Variants in PRMT8 observed in about 807,000 individuals in gnomAD.
PRMT8 encodes protein arginine N-methyltransferase 8.
PRMT8 carries 7 observed loss-of-function variants against 47.1 expected under a neutral mutation model. The ratio of observed to expected loss-of-function variants is 0.15; its 90% confidence interval spans 0.08 to 0.28. The LOEUF (loss-of-function observed/expected upper bound fraction) is 0.28. Among genes scored for constraint, PRMT8 ranks in the 10% least tolerant of loss-of-function variants. The pLI is 1.00. For synonymous variants in PRMT8, 188 were observed against 186.5 expected, an observed-to-expected ratio of 1.01 and a Z score of -0.07; for missense variants, 237 against 505.4, an observed-to-expected ratio of 0.47 and a Z score of 5.09.
rs1294452856 is a variant in PRMT8, at chr12:3,453,559, G to A, written c.48+72117G>A. Among the ~76,000 whole-genome samples, 2 of 152,196 alleles carry A rather than the reference G, an allele frequency of 1.3e-5. No individual in the cohort carries two copies. The highest frequency in any genetic ancestry group is 1.5e-5 in the Non-Finnish European group (1 of 68,030). ...CTGGGGAAGCCAGACGCTGCATTCC[G>A]CATGCCATCGTGACCTTGAAGTAGG... On this transcript the variant is annotated intron_variant, in intron 1 of 9. Coordinates refer to the PRMT8 transcript ENST00000452611. The surrounding 1 kb of genome is among the most constrained non-coding windows in gnomAD (Gnocchi z 4.9).
At chr12:3,523,823 T>C (rs1172037539) in intron 1 of PRMT8, among the ~76,000 whole-genome samples, 1 of 152,252 alleles carries the variant, frequency 6.6e-6, no homozygotes, top group African/African-American at 2.4e-5. Flanking sequence ...GGTCAAGTTC[T>C]AGAGCAATCC....
intron 1 of PRMT8, among the ~76,000 whole-genome samples, chr12:3,465,281 A>AT (rs907303710): frequency 1.8e-5 from 2 of 112,516 alleles, no homozygotes; most frequent in Admixed American, 1.1e-4. Context: ...AAAAATAAAA[A>AT]ATATATAATA....
chr12:3,410,724 G>T (rs189999849), intron 1 of PRMT8, among the ~76,000 whole-genome samples: 3 of 152,098 alleles, frequency 2.0e-5, no homozygotes, highest in Non-Finnish European at 4.4e-5. Flanking sequence ...GGCCAGGCTG[G>T]TCTCGAACTC....
At chr12:3,520,611 T>C (rs1407549797) in intron 1 of PRMT8, among the ~76,000 whole-genome samples, 1 of 152,216 alleles carries the variant, frequency 6.6e-6, no homozygotes, top group Non-Finnish European at 1.5e-5. Flanking sequence ...TAAGGCTGTT[T>C]GTAAGTGGGT....
In PRMT8 at chr12:3,386,713, T is replaced by C. The variant is rs1356032319; in HGVS notation, c.48+5271T>C. On this transcript the variant is annotated intron_variant, in intron 1 of 9. Coordinates refer to the PRMT8 transcript ENST00000452611. ...TATGCTTGTCTACCTTCTTTTTTTT[T>C]TCTTTCTTTCTTTTTTTATGGAGTC... is the stretch of plus-strand genomic sequence containing the variant. Among the ~76,000 whole-genome samples, 9 of 152,080 alleles carry C rather than the reference T, an allele frequency of 5.9e-5. No homozygotes were observed. In the East Asian group the frequency reaches 1.2e-3, roughly 20 times the overall value.
In PRMT8 at chr12:3,557,656, G is replaced by A. The variant is rs1021135168; in HGVS notation, c.481+3942G>A. On this transcript the variant is annotated intron_variant, in intron 4 of 9. Transcript: ENST00000382622. This position sits in a 1 kb window ranked among gnomAD's most constrained non-coding sequence, Gnocchi z 4.7. ...TTCTCTGGGAGGGTGACACAGCCTG[G>A]CCTCCTTCTCCCCAACCTGTGAAAT... 5.3e-5 allele frequency among the ~76,000 whole-genome samples: 8 copies of A among 152,268 alleles called. No individual in the cohort carries two copies. Among genetic ancestry groups the A allele is most frequent in the African/African-American group, 1.7e-4 (7 of 41,558 alleles).
In PRMT8 at chr12:3,552,862, G is replaced by A; in HGVS notation, c.418-789G>A. 2.3e-6 allele frequency: 1 copy of A among 441,844 alleles called. No homozygotes were observed. The highest frequency in any genetic ancestry group is 1.6e-5 in the South Asian group (1 of 62,926). 27.4% of individuals were successfully genotyped at this position (441,844 alleles called of 1,614,324 possible). A position where few individuals can be genotyped will look rare whatever the true frequency, so the allele number is the denominator to read the frequency against. ...GAGTAGAGCCCAGGGCCTTAGCACA[G>A]GCCAGCCTCTGTAAGAGAGCCGGCT... is the stretch of plus-strand genomic sequence containing the variant. On this transcript the variant is annotated intron_variant, in intron 3 of 9. Transcript: ENST00000382622. This position sits in a 1 kb window ranked among gnomAD's most constrained non-coding sequence, Gnocchi z 4.5.
intron 1 of PRMT8, among the ~76,000 whole-genome samples, chr12:3,454,124 C>G (rs1298521586): frequency 6.6e-6 from 1 of 152,202 alleles, no homozygotes; most frequent in African/African-American, 2.4e-5. Flanking sequence ...TGACTTGGCT[C>G]TGTCTCTGCT....
At chr12:3,392,328 A>G (rs1864201191) in intron 1 of PRMT8, among the ~76,000 whole-genome samples, 1 of 151,088 alleles carries the variant, frequency 6.6e-6, no homozygotes, top group Non-Finnish European at 1.5e-5. Flanking sequence ...ATCATCTAGC[A>G]TTAGGTATAT....
chr12:3,589,952 G>C (rs974396209), intron 8 of PRMT8, among the ~76,000 whole-genome samples: 1 of 152,002 alleles, frequency 6.6e-6, no homozygotes. Flanking sequence ...GTGGGGGCGA[G>C]AGTGCTGTCA....
At chr12:3,397,108 A>G (rs1864257582) in intron 1 of PRMT8, among the ~76,000 whole-genome samples, 1 of 151,458 alleles carries the variant, frequency 6.6e-6, no homozygotes, top group African/African-American at 2.4e-5. Flanking sequence ...CTAGTTATAC[A>G]TTCTTCTAAA....
At chr12:3,498,808 G>A (rs1306906670) in intron 1 of PRMT8, among the ~76,000 whole-genome samples, 1 of 152,182 alleles carries the variant, frequency 6.6e-6, no homozygotes, top group Non-Finnish European at 1.5e-5. Context: ...TAGGTCTGCT[G>A]TAATAAAGTA....
At chr12:3,460,065 C>T (rs1381158891) in intron 1 of PRMT8, among the ~76,000 whole-genome samples, 1 of 152,138 alleles carries the variant, frequency 6.6e-6, no homozygotes, top group Non-Finnish European at 1.5e-5. Flanking sequence ...CCCTCTCTAT[C>T]AAAGAGCCAT....
In PRMT8 at chr12:3,550,205, C is replaced by A; in HGVS notation, c.417+114C>A. On this transcript the variant is annotated intron_variant, in intron 3 of 9. Transcript: ENST00000382622. This position sits in a 1 kb window ranked among gnomAD's most constrained non-coding sequence, Gnocchi z 5.1. ...TTTGGTCCATCTCTTTTGCTGGGGT[C>A]ACACCTTCGAGGAGTAGAAGAAATC... 7.4e-7 allele frequency: 1 copy of A among 1,346,628 alleles called. No homozygotes were observed. The highest frequency in any genetic ancestry group is 1.4e-5 in the South Asian group (1 of 73,560). 83.4% of individuals were successfully genotyped at this position (1,346,628 alleles called of 1,614,324 possible).
At chr12:3,498,631 G>A (rs1046483081) in intron 1 of PRMT8, among the ~76,000 whole-genome samples, 6 of 152,086 alleles carry the variant, frequency 3.9e-5, no homozygotes, top group African/African-American at 4.8e-5. Context: ...CAATGTACTT[G>A]TCTAACAAAG....
At chr12:3,395,853 C>T (rs1452816355) in intron 1 of PRMT8, among the ~76,000 whole-genome samples, 1 of 152,008 alleles carries the variant, frequency 6.6e-6, no homozygotes, top group Admixed American at 6.6e-5. Context: ...GTCTAAGTCT[C>T]CTTGTAGGTC....
intron 1 of PRMT8, among the ~76,000 whole-genome samples, chr12:3,496,214 A>ATTTTTTTTTTTTTTTTTTTTTT (rs1555085718): frequency 1.1e-4 from 3 of 27,756 alleles, no homozygotes; most frequent in Non-Finnish European, 2.4e-4. Flanking sequence ...ATATATATAT[A>ATTTTTTTTTTTTTTTTTTTTTT]TTTTTTTTTT....
intron 8 of PRMT8, among the ~76,000 whole-genome samples, chr12:3,590,796 C>T (rs1331417704): frequency 1.3e-5 from 2 of 152,146 alleles, no homozygotes; most frequent in Non-Finnish European, 2.9e-5. Context: ...GCACTACAGA[C>T]ATTTGCTCTT....
chr12:3,398,072 C>T (rs572715808), intron 1 of PRMT8, among the ~76,000 whole-genome samples: 25 of 152,116 alleles, frequency 1.6e-4, no homozygotes, highest in East Asian at 3.9e-4. Flanking sequence ...GGCTCGCGCA[C>T]GGTGCGCGCA....
Sources: gnomAD v4.1 joint callset for allele counts (sites outside exome capture counted in the v4.1 genomes callset) on GRCh38, gnomAD v4.1.1 for gene constraint, Gnocchi (gnomAD v3.1) non-coding constraint, MANE v1.5 for transcripts, NCBI Gene and HGNC (gene_info 2026-07-23, HGNC 2026-07-21) for gene names.